Variants in SETBP1 observed in about 807,000 individuals in gnomAD.
SETBP1 encodes SET binding protein 1, also known as SET-binding protein.
SETBP1 carries 9 observed loss-of-function variants against 101.0 expected under a neutral mutation model. The ratio of observed to expected loss-of-function variants is 0.09; its 90% CI spans 0.05 to 0.16. The LOEUF (loss-of-function observed/expected upper bound fraction) is 0.16. Among genes scored for constraint, SETBP1 ranks in the 10% least tolerant of loss-of-function variants. SETBP1 has a pLI of 1.00. For synonymous variants in SETBP1, 818 were observed against 788.5 expected (o/e 1.04, Z -0.63); for missense variants, 1,858 against 2,033.8 (o/e 0.91, Z 1.66).
chr18:45,058,556 G>A lies in SETBP1; in HGVS notation c.4172-4523G>A, dbSNP rs566602479. Reference sequence around the variant, plus strand: ...TAACAGATGAAGAAACAGAGATGGAGGGGTTAAGGGGTTTATCTCAGTTCA... The same window carrying A: ...TAACAGATGAAGAAACAGAGATGGAAGGGTTAAGGGGTTTATCTCAGTTCA... On this transcript the variant is annotated intron_variant, in intron 5 of 5. Transcript: ENST00000649279. Among the ~76,000 whole-genome samples the A allele has an allele frequency of 2.7e-4, 41 of 152,292 alleles. No homozygotes were observed. The South Asian group carries it at 8.3e-3, about 31-fold the overall frequency.
intron 2 of SETBP1, among the ~76,000 whole-genome samples, chr18:44,861,229 CTTTTTTTTTTTT>C (rs775284488): frequency 2.3e-5 from 2 of 88,348 alleles, no homozygotes; most frequent in Non-Finnish European, 4.4e-5. Flanking sequence ...TTTTTCTTTT[CTTTTTTTTTTTT>C]TTTTTTTTTT....
intron 3 of SETBP1, among the ~76,000 whole-genome samples, chr18:44,938,812 T>C (rs2071019270): frequency 6.6e-6 from 1 of 152,138 alleles, no homozygotes; most frequent in African/African-American, 2.4e-5. Context: ...CTCTATTGTT[T>C]TGAGATCAAC....
chr18:44,868,032 C>G (rs2069167941), intron 2 of SETBP1, among the ~76,000 whole-genome samples: 1 of 152,198 alleles, frequency 6.6e-6, no homozygotes, highest in Non-Finnish European at 1.5e-5. Context: ...GCCTTTTCCT[C>G]TTTATCTCAC....
chr18:44,879,704 C>T (rs1006028225), intron 3 of SETBP1, among the ~76,000 whole-genome samples: 1 of 152,128 alleles, frequency 6.6e-6, no homozygotes, highest in Admixed American at 6.6e-5. Flanking sequence ...GTGATAAACA[C>T]TGTAGTCCTG....
At chr18:44,787,461 A>G (rs549944149) in intron 2 of SETBP1, among the ~76,000 whole-genome samples, 2 of 152,342 alleles carry the variant, frequency 1.3e-5, no homozygotes, top group East Asian at 3.9e-4. Context: ...TCTTCATTTT[A>G]TGAGATAGAT....
chr18:44,971,687 T>G (rs2071863915), intron 4 of SETBP1, among the ~76,000 whole-genome samples: 2 of 152,250 alleles, frequency 1.3e-5, no homozygotes, highest in South Asian at 4.1e-4. Flanking sequence ...TTGAGAAGTG[T>G]CTGTTCATAT....
At chr18:45,037,951 G>C (rs1454436561) in intron 4 of SETBP1, among the ~76,000 whole-genome samples, 1 of 152,158 alleles carries the variant, frequency 6.6e-6, no homozygotes, top group Admixed American at 6.5e-5. Flanking sequence ...GCTTCAGCAT[G>C]AGCCTTTCCT....
At chr18:44,929,704 A>G (rs2070783533) in intron 3 of SETBP1, among the ~76,000 whole-genome samples, 1 of 152,248 alleles carries the variant, frequency 6.6e-6, no homozygotes, top group South Asian at 2.1e-4. Context: ...GCAATTGTGA[A>G]TGGGAGTTCA....
chr18:44,952,938 G>C lies in SETBP1; in HGVS notation c.3598G>C (p.Val1200Leu), dbSNP rs143448706. The stretch of plus-strand genomic sequence containing the variant: ...TAGCGCAGACAAAGAGCTCCCGCTG[G>C]TGAGTGAGAAGAACAAGCATAAGGA... ...LSSADKELPL[V>L]SEKNKHKEKQ... Residue 1200 changes from valine to leucine, a missense_variant, in exon 4 of 6, where the codon GTG becomes CTG. Physicochemically the swap from Val to Leu is conservative, Grantham distance 32. Around this residue, in one of 12 missense-constraint regions of SETBP1, gnomAD observed 417 missense variants for 389.1 expected, o/e 1.07. Transcript: ENST00000649279. 6.2e-6 allele frequency: 10 copies of C among 1,614,040 alleles called. No homozygotes were observed. The African/African-American group carries it at 1.3e-4, about 22-fold the overall frequency.
chr18:45,008,856 G>C (rs2072781088), intron 4 of SETBP1, among the ~76,000 whole-genome samples: 1 of 152,196 alleles, frequency 6.6e-6, no homozygotes, highest in Non-Finnish European at 1.5e-5. Flanking sequence ...TCTCTCTGCT[G>C]TCTAGGTTGG....
intron 2 of SETBP1, among the ~76,000 whole-genome samples, chr18:44,706,271 T>C (rs2069215213): frequency 1.3e-5 from 2 of 151,982 alleles, no homozygotes; most frequent in African/African-American, 4.8e-5. Context: ...ACAGAGACCA[T>C]GAAGATGAGT....
At chr18:44,847,112 G>C (rs2072740711) in intron 2 of SETBP1, among the ~76,000 whole-genome samples, 2 of 152,224 alleles carry the variant, frequency 1.3e-5, no homozygotes, top group African/African-American at 2.4e-5. Flanking sequence ...AAATATGTTA[G>C]AGTTGGAACC....
chr18:44,967,552 A>G (rs1567998466), intron 4 of SETBP1, among the ~76,000 whole-genome samples: 1 of 152,180 alleles, frequency 6.6e-6, no homozygotes, highest in Non-Finnish European at 1.5e-5. Flanking sequence ...TACTCTGTTT[A>G]AGGTCTTACG....
chr18:44,762,347 T>C (rs1377786796), intron 2 of SETBP1, among the ~76,000 whole-genome samples: 3 of 152,202 alleles, frequency 2.0e-5, no homozygotes, highest in African/African-American at 7.2e-5. Context: ...ATCTGGACTG[T>C]ACAACCCATT....
At chr18:45,038,068 A>G (rs1434990889) in intron 4 of SETBP1, among the ~76,000 whole-genome samples, 1 of 152,128 alleles carries the variant, frequency 6.6e-6, no homozygotes. Flanking sequence ...CTTCTCATTC[A>G]GTCTTCTTTC....
chr18:44,865,807 C>T (rs2069115715), intron 2 of SETBP1, among the ~76,000 whole-genome samples: 1 of 152,190 alleles, frequency 6.6e-6, no homozygotes, highest in South Asian at 2.1e-4. Flanking sequence ...GTTGTACATA[C>T]CGTTTTTTCA....
intron 2 of SETBP1, among the ~76,000 whole-genome samples, chr18:44,867,153 G>A (rs2069146963): frequency 6.6e-6 from 1 of 152,212 alleles, no homozygotes; most frequent in African/African-American, 2.4e-5. Flanking sequence ...GATACTTTCT[G>A]TCTCATGAAG....
intron 1 of SETBP1, among the ~76,000 whole-genome samples, chr18:44,686,946 C>CT (rs2068850115): frequency 1.3e-5 from 2 of 152,208 alleles, no homozygotes; most frequent in Non-Finnish European, 2.9e-5. Context: ...CATTGTGACT[C>CT]TAACACACAT....
intron 3 of SETBP1, among the ~76,000 whole-genome samples, chr18:44,905,639 G>A (rs1412657283): frequency 6.6e-6 from 1 of 152,160 alleles, no homozygotes; most frequent in Non-Finnish European, 1.5e-5. Flanking sequence ...CAGAAATGGG[G>A]ATGTTGCAAC....
Sources: allele counts gnomAD v4.1 joint callset (sites outside exome capture counted in the v4.1 genomes callset), GRCh38; gene constraint gnomAD v4.1.1; regional missense constraint gnomAD v4.1.1; transcripts MANE v1.5; gene names NCBI Gene and HGNC (gene_info 2026-07-23, HGNC 2026-07-21).